The following KCNC2 variants were observed in gnomAD, a reference collection of about 807,000 sequenced individuals.
KCNC2 encodes potassium voltage-gated channel subfamily C member 2.
A neutral mutation model predicts 44.5 loss-of-function variants in KCNC2; 21 were observed. The observed-to-expected ratio is 0.47, with a 90% CI of 0.33 to 0.68. KCNC2 has a LOEUF of 0.68. Ranked by LOEUF, KCNC2 falls within the 30% of genes least tolerant of loss-of-function variation. The pLI, the probability that KCNC2 is intolerant of heterozygous loss-of-function variation, is 0.01. For missense variants in KCNC2, 589 were observed against 826.2 expected (o/e 0.71, Z 3.52); for synonymous variants, 391 against 339.1 (o/e 1.15, Z -1.68).
In KCNC2 at chr12:75,207,392, G is replaced by A. The variant is rs1188682131; in HGVS notation, c.592C>T (p.Leu198Phe). ...KRLGIEDAAG[L>F]GGPDGKSGRW... ...CCAGATTTGCCGTCGGGGCCCCCGA[G>A]CCCCGCCGCGTCCTCGATGCCCAGC... Residue 198 changes from leucine to phenylalanine, a missense_variant, in exon 2 of 5, where the codon CTC becomes TTC. Physicochemically the swap from Leu to Phe is conservative, Grantham distance 22. Transcript: ENST00000549446. The surrounding 1 kb of genome is among the most constrained non-coding windows in gnomAD (Gnocchi z 4.1). 3 of 1,586,166 alleles carry A rather than the reference G, an allele frequency of 1.9e-6. No individual in the cohort carries two copies. The highest frequency in any genetic ancestry group is 2.6e-6 in the Non-Finnish European group (3 of 1,167,170).
At chr12:75,206,216 C>A (rs1450887238) in intron 2 of KCNC2, among the ~76,000 whole-genome samples, 1 of 152,140 alleles carries the variant, frequency 6.6e-6, no homozygotes, top group Non-Finnish European at 1.5e-5. Context: ...CCATTCTGCC[C>A]ATGGGGTGTC....
chr12:75,046,323 T>C (rs1194920970), intron 4 of KCNC2, among the ~76,000 whole-genome samples: 2 of 151,810 alleles, frequency 1.3e-5, no homozygotes, highest in Non-Finnish European at 3.0e-5. Context: ...TTTGCAATTT[T>C]ATAGTAAAAC....
At chr12:75,086,344 G>T (rs890437523) in intron 2 of KCNC2, among the ~76,000 whole-genome samples, 2 of 151,992 alleles carry the variant, frequency 1.3e-5, no homozygotes, top group African/African-American at 4.8e-5. Flanking sequence ...CCTGTTATTT[G>T]CCAATGTGCA....
At chr12:75,152,433 C>A (rs572664537) in intron 2 of KCNC2, among the ~76,000 whole-genome samples, 1 of 151,854 alleles carries the variant, frequency 6.6e-6, no homozygotes, top group African/African-American at 2.4e-5. Context: ...TAATTGTCAA[C>A]ATACAATTCC....
At chr12:75,204,237 A>T (rs2031509162) in intron 2 of KCNC2, among the ~76,000 whole-genome samples, 1 of 152,034 alleles carries the variant, frequency 6.6e-6, no homozygotes, top group Non-Finnish European at 1.5e-5. Context: ...ATTGAAATAC[A>T]ACAATATAGA....
intron 2 of KCNC2, among the ~76,000 whole-genome samples, chr12:75,109,605 A>G (rs1252265417): frequency 6.6e-6 from 1 of 152,114 alleles, no homozygotes; most frequent in African/African-American, 2.4e-5. Flanking sequence ...GCAGATCGTG[A>G]TCATAAGATT....
intron 2 of KCNC2, among the ~76,000 whole-genome samples, chr12:75,113,984 A>C (rs1463046050): frequency 6.6e-6 from 1 of 152,180 alleles, no homozygotes; most frequent in East Asian, 1.9e-4. Flanking sequence ...AAAGAAACAC[A>C]CATACACATA....
At chr12:75,118,718 A>C (rs191549714) in intron 2 of KCNC2, among the ~76,000 whole-genome samples, 82 of 152,302 alleles carry the variant, frequency 5.4e-4, no homozygotes, top group South Asian at 8.3e-4. Flanking sequence ...ACTTTAGAAA[A>C]CTTAATGCAG....
chr12:75,081,631 C>T (rs1316346113), intron 2 of KCNC2, among the ~76,000 whole-genome samples: 2 of 151,902 alleles, frequency 1.3e-5, no homozygotes, highest in African/African-American at 4.8e-5. Context: ...ATTTTCTCAG[C>T]TACCCTGGAA....
intron 2 of KCNC2, among the ~76,000 whole-genome samples, chr12:75,105,232 T>A (rs1211782697): frequency 6.6e-6 from 1 of 151,984 alleles, no homozygotes; most frequent in African/African-American, 2.4e-5. Flanking sequence ...GTGTAAAACA[T>A]ATAGATACCT....
chr12:75,154,423 C>T (rs1031554439), intron 2 of KCNC2, among the ~76,000 whole-genome samples: 5 of 151,972 alleles, frequency 3.3e-5, no homozygotes, highest in African/African-American at 4.8e-5. Context: ...CACCTGTCCT[C>T]GAAGTTGTCT....
intron 2 of KCNC2, among the ~76,000 whole-genome samples, chr12:75,126,966 G>A (rs944354731): frequency 1.1e-4 from 16 of 152,088 alleles, no homozygotes; most frequent in African/African-American, 3.9e-4. Flanking sequence ...TAATCGAAAA[G>A]CTTCGAGCTT....
intron 4 of KCNC2, among the ~76,000 whole-genome samples, chr12:75,045,583 G>A (rs924683515): frequency 6.6e-6 from 1 of 151,836 alleles, no homozygotes. Flanking sequence ...TAATTCATGA[G>A]GGTAAACACT....
intron 2 of KCNC2, among the ~76,000 whole-genome samples, chr12:75,110,358 C>T (rs2137232035): frequency 1.3e-5 from 2 of 152,202 alleles, no homozygotes; most frequent in South Asian, 4.2e-4. Flanking sequence ...ATCCAAAATA[C>T]TAAGAGATAG....
At chr12:75,145,220 A>G (rs888191540) in intron 2 of KCNC2, among the ~76,000 whole-genome samples, 5 of 152,148 alleles carry the variant, frequency 3.3e-5, no homozygotes, top group Admixed American at 6.5e-5. Context: ...CTCCAAAAAA[A>G]AAAAGTACCT....
At chr12:75,077,079 A>G (rs1903020) in intron 2 of KCNC2, among the ~76,000 whole-genome samples, 25,174 of 152,178 alleles carry the variant, frequency 0.17, 2,526 homozygotes, top group Admixed American at 0.27. Context: ...AAGCAGATTA[A>G]CATATTCAAC....
At chr12:75,064,364 C>T (rs1299392004) in intron 2 of KCNC2, among the ~76,000 whole-genome samples, 1 of 151,974 alleles carries the variant, frequency 6.6e-6, no homozygotes, top group African/African-American at 2.4e-5. Flanking sequence ...TTCTATCTTT[C>T]ATGATGTAAG....
At chr12:75,057,598 A>G (rs17114532) in intron 2 of KCNC2, among the ~76,000 whole-genome samples, 26,509 of 151,952 alleles carry the variant, frequency 0.17, 2,577 homozygotes, top group Middle Eastern at 0.26. Context: ...CTTGGAAATC[A>G]GTAAAAAAGA....
chr12:75,097,671 T>C (rs1886046648), intron 2 of KCNC2, among the ~76,000 whole-genome samples: 1 of 152,134 alleles, frequency 6.6e-6, no homozygotes, highest in South Asian at 2.1e-4. Context: ...GAAGTGATCC[T>C]ACCTTATAAA....
Sources: gnomAD v4.1 joint callset for allele counts (sites outside exome capture counted in the v4.1 genomes callset) on GRCh38, gnomAD v4.1.1 for gene constraint, Gnocchi (gnomAD v3.1) non-coding constraint, MANE v1.5 for transcripts, NCBI Gene and HGNC (gene_info 2026-07-23, HGNC 2026-07-21) for gene names.